SLCO4A1: variants seen among roughly 807,000 people sequenced by gnomAD.
SLCO4A1 encodes the protein colon organic anion transporter.
Under a neutral mutation model 64.6 loss-of-function variants are expected in SLCO4A1, and 51 were observed. The observed-to-expected ratio is 0.79, with a 90% CI of 0.63 to 1.00. The LOEUF is 1.00. SLCO4A1 is among the 50% of genes least tolerant of loss of function. The pLI is 0.00. For missense variants in SLCO4A1, 919 were observed against 980.5 expected, an observed-to-expected ratio of 0.94 and a Z score of 0.84; for synonymous variants, 471 against 444.9, an observed-to-expected ratio of 1.06 and a Z score of -0.74.
Position 62,656,593 on chromosome 20 carries a change from GC to G in SLCO4A1, c.140del (p.Ala47ValfsTer72). The G allele has an allele frequency of 6.3e-7, 1 of 1,595,646 alleles. No homozygotes were observed. Among genetic ancestry groups the G allele is most frequent in the Non-Finnish European group, 8.5e-7 (1 of 1,173,864 alleles). On this transcript the variant is annotated frameshift_variant, in exon 2 of 12. Transcript: ENST00000217159. LOFTEE classifies it high-confidence loss of function. Reference sequence around the variant, plus strand: ...CCTGAGCCCCGGCTCCCTCCGCTCCGCTGCCCATAGCCCCCTGGACACCAGC... The same window carrying G: ...CCTGAGCCCCGGCTCCCTCCGCTCCGTGCCCATAGCCCCCTGGACACCAGC... Reference protein sequence around the residue: ...TPLSPGSLRSAAHSPLDTSKQ... With the variant: ...TPLSPGSLRSXAHSPLDTSKQ...
At position 62,661,041 on chromosome 20, in the gene SLCO4A1, C is replaced by CCCCCCCCCCCCCCGCA; in HGVS notation, c.1010-23_1010-22insCCCCCCCCCCCCCGCA. 1 of 1,424,144 alleles carries CCCCCCCCCCCCCCGCA rather than the reference C, an allele frequency of 7.0e-7. No individual in the cohort carries two copies. The highest frequency in any genetic ancestry group is 9.9e-7 in the Non-Finnish European group (1 of 1,010,142). The allele number at this position is 1,424,144 out of a possible 1,614,324, so 88.2% of individuals were successfully genotyped here. On this transcript the variant is annotated intron_variant, in intron 4 of 11. Coordinates refer to ENST00000217159, the MANE Select transcript of SLCO4A1 (RefSeq NM_016354.4). This position sits in a 1 kb window ranked among gnomAD's most constrained non-coding sequence, Gnocchi z 5.2. Reference sequence around the variant, plus strand: ...TCCGGGAGCCCCCAGCCCCCAGCCCCAGCTCACTCTGTGCCCTTCCAGGCT... The same window carrying CCCCCCCCCCCCCCGCA: ...TCCGGGAGCCCCCAGCCCCCAGCCCCCCCCCCCCCCCCCGCAAGCTCACTCTGTGCCCTTCCAGGCT...
intron 2 of SLCO4A1, among the ~76,000 whole-genome samples, chr20:62,658,372 C>T (rs779554744): frequency 4.1e-4 from 63 of 152,268 alleles, no homozygotes; most frequent in Non-Finnish European, 7.5e-4. Flanking sequence ...CCCCTAATTC[C>T]TGCCAGTGTC....
At chr20:62,674,760 G>T (rs533128405), downstream of SLCO4A1, among the ~76,000 whole-genome samples, 17 of 152,336 alleles carry the variant, frequency 1.1e-4, 1 homozygote, top group South Asian at 3.1e-3. Context: ...AGATGAGGGG[G>T]TGAGGGTGGC....
At position 62,668,977 on chromosome 20, in the gene SLCO4A1, T is replaced by C. The variant is rs1341885312; in HGVS notation, c.1924T>C (p.Cys642Arg). 16 of 1,610,204 alleles carry C rather than the reference T, an allele frequency of 9.9e-6. No individual in the cohort carries two copies. Among genetic ancestry groups the C allele is most frequent in the Non-Finnish European group, 1.3e-5 (15 of 1,179,996 alleles). ...CTTCGGCTGGGTGATCGACAAGGCC[T>C]GTCTGCTGTGGCAGGACCAGTGTGG... ...IAFGWVIDKACLLWQDQCGQQ... is the reference protein window; with the variant it reads ...IAFGWVIDKARLLWQDQCGQQ... Residue 642 changes from cysteine (C) to arginine (R), a missense_variant, in exon 11 of 12, where the codon TGT (cysteine) becomes CGT (arginine). By Grantham distance (180) the Cys-to-Arg change is radical. Transcript: ENST00000217159.
At position 62,685,506 on chromosome 20, in the gene SLCO4A1, T is replaced by C. The variant is rs1988029869; in HGVS notation, n.277T>C. 1 of 956,682 alleles carries C rather than the reference T, an allele frequency of 1.0e-6. No homozygotes were observed. The highest frequency in any genetic ancestry group is 1.2e-6 in the Non-Finnish European group (1 of 803,704). 59.3% of individuals were successfully genotyped at this position (956,682 alleles called of 1,614,324 possible). On this transcript the variant is annotated non_coding_transcript_exon_variant, in exon 3 of 3. Transcript: ENST00000466818. This position sits in a 1 kb window ranked among gnomAD's most constrained non-coding sequence, Gnocchi z 4.6. ...AGCCTTACACATAGATCTCCTTGAA[T>C]TGGATTTTCACCAAGGCCGTGATGG... is the stretch of plus-strand genomic sequence containing the variant.
At chr20:62,675,438 G>A (rs1987544912), downstream of SLCO4A1, among the ~76,000 whole-genome samples, 1 of 152,130 alleles carries the variant, frequency 6.6e-6, no homozygotes, top group South Asian at 2.1e-4. Context: ...GAGCTCTGCT[G>A]CCCTCGCCTC....
At chr20:62,677,110 AT>A (rs1251355084), downstream of SLCO4A1, among the ~76,000 whole-genome samples, 8 of 152,212 alleles carry the variant, frequency 5.3e-5, no homozygotes, top group African/African-American at 1.4e-4. Flanking sequence ...GAGACAGAAA[AT>A]GGACTAGTGG....
At chr20:62,667,621 TG>T in intron 7 of SLCO4A1, 123 bp from the exon 8 acceptor site, 1 of 1,200,938 alleles carries the variant, frequency 8.3e-7, no homozygotes, top group Non-Finnish European at 1.2e-6. Context: ...GGTGCAAGCT[TG>T]GCAAGTTTGT....
At chr20:62,687,220 G>A (rs1569159392), downstream of SLCO4A1, among the ~76,000 whole-genome samples, 1 of 135,620 alleles carries the variant, frequency 7.4e-6, no homozygotes, top group Non-Finnish European at 1.6e-5. Flanking sequence ...ACAGGAGCGG[G>A]GGCCTCTGAA....
At chr20:62,657,626 G>A (rs1983984999) in intron 2 of SLCO4A1, among the ~76,000 whole-genome samples, 1 of 152,234 alleles carries the variant, frequency 6.6e-6, no homozygotes, top group Non-Finnish European at 1.5e-5. Flanking sequence ...GCACTTGCCT[G>A]GGAAGGAGTT....
chr20:62,658,729 A>AG lies in SLCO4A1; in HGVS notation c.851dup (p.Ala285CysfsTer268). 1 of 1,612,074 alleles carries AG rather than the reference A, an allele frequency of 6.2e-7. No homozygotes were observed. The highest frequency in any genetic ancestry group is 8.5e-7 in the Non-Finnish European group (1 of 1,179,522). ...GCCCAGCTGCCGGCTACCTGATTGG[A>AG]GGTGCCCTGCTGAATATCTACACGG... On this transcript the variant is annotated frameshift_variant, in exon 3 of 12. Transcript: ENST00000217159. LOFTEE classifies it high-confidence loss of function.
At chr20:62,671,223 G>A (rs953979911) in intron 11 of SLCO4A1, among the ~76,000 whole-genome samples, 6 of 152,336 alleles carry the variant, frequency 3.9e-5, no homozygotes, top group East Asian at 3.9e-4. Flanking sequence ...ACAAAGGACC[G>A]CAAGCGGGGT....
At chr20:62,676,733 G>A (rs539039697), downstream of SLCO4A1, among the ~76,000 whole-genome samples, 17 of 152,286 alleles carry the variant, frequency 1.1e-4, no homozygotes, top group African/African-American at 3.6e-4. Context: ...ACAGTTTTGC[G>A]GTTCATCAAA....
intron 1 of SLCO4A1, among the ~76,000 whole-genome samples, chr20:62,653,087 C>G (rs1982905930): frequency 6.6e-6 from 1 of 152,242 alleles, no homozygotes. Context: ...TCAGTGTGCA[C>G]AGCGGGTGTT....
At chr20:62,658,508 C>T (rs1984166841) in intron 2 of SLCO4A1, among the ~76,000 whole-genome samples, 169 bp from the exon 3 acceptor site, 1 of 152,256 alleles carries the variant, frequency 6.6e-6, no homozygotes, top group Non-Finnish European at 1.5e-5. Context: ...CCATATCAGG[C>T]CCAGTGGCAA....
chr20:62,652,456 C>T (rs1393998559), intron 1 of SLCO4A1, among the ~76,000 whole-genome samples: 1 of 152,172 alleles, frequency 6.6e-6, no homozygotes, highest in East Asian at 1.9e-4. Context: ...TCGTCAGTCC[C>T]GCCCCGGGGC....
intron 6 of SLCO4A1, 44 bp from the exon 7 acceptor site, chr20:62,666,336 G>A (rs200294273): frequency 2.0e-5 from 31 of 1,573,592 alleles, no homozygotes; most frequent in African/African-American, 2.7e-5. Flanking sequence ...CTCCCACCAC[G>A]GCCCCCTGCC....
intron 5 of SLCO4A1, among the ~76,000 whole-genome samples, chr20:62,664,557 C>CTGAA (rs1985713808): frequency 6.6e-6 from 1 of 152,212 alleles, no homozygotes; most frequent in African/African-American, 2.4e-5. Flanking sequence ...CCCACCTGAG[C>CTGAA]TGAAGCTCTG....
chr20:62,657,367 A>C, intron 2 of SLCO4A1, 117 bp downstream of exon 2: 1 of 1,002,196 alleles, frequency 1.0e-6, no homozygotes, highest in Non-Finnish European at 1.4e-6. Flanking sequence ...CCTTGTCTGC[A>C]TGGCCCTGGG....
Sources: allele counts gnomAD v4.1 joint callset (sites outside exome capture counted in the v4.1 genomes callset), GRCh38; gene constraint gnomAD v4.1.1; non-coding constraint Gnocchi (gnomAD v3.1); transcripts MANE v1.5; gene names NCBI Gene and HGNC (gene_info 2026-07-23, HGNC 2026-07-21).